Variants in IL1RAPL2 observed in about 807,000 individuals in gnomAD.
The protein encoded by IL1RAPL2 is X-linked interleukin-1 receptor accessory protein-like 2.
A neutral mutation model predicts 44.1 loss-of-function variants in IL1RAPL2; 3 were observed. The ratio of observed to expected loss-of-function variants is 0.07; its 90% CI spans 0.03 to 0.18. The LOEUF (loss-of-function observed/expected upper bound fraction) is 0.18. Ranked by LOEUF, IL1RAPL2 falls within the 10% of genes least tolerant of loss-of-function variation. IL1RAPL2 has a pLI of 1.00. For synonymous variants in IL1RAPL2, 181 were observed against 178.8 expected (o/e 1.01, Z -0.10); for missense variants, 391 against 496.4 (o/e 0.79, Z 2.02).
intron 1 of IL1RAPL2, among the ~76,000 whole-genome samples, chrX:104,600,269 C>T (rs898953008): frequency 4.5e-5 from 5 of 111,489 alleles, no homozygotes; most frequent in African/African-American, 1.6e-4. Flanking sequence ...GGCAAACTGC[C>T]ATTGAGAGTC....
intron 2 of IL1RAPL2, among the ~76,000 whole-genome samples, chrX:105,189,284 C>T (rs2033615265): frequency 8.9e-6 from 1 of 112,354 alleles, no homozygotes. Flanking sequence ...GTGGCACGAC[C>T]TCTGCTGGTG....
chrX:105,477,203 T>G (rs1193178706), intron 5 of IL1RAPL2, among the ~76,000 whole-genome samples: 4 of 111,768 alleles, frequency 3.6e-5, no homozygotes, highest in African/African-American at 6.5e-5. Flanking sequence ...TAACCAAGGC[T>G]GGTCCTGCTT....
intron 5 of IL1RAPL2, among the ~76,000 whole-genome samples, chrX:105,287,950 A>G (rs1569418760): frequency 9.0e-6 from 1 of 111,362 alleles, no homozygotes; most frequent in Non-Finnish European, 1.9e-5. Flanking sequence ...GGAAGGGAGT[A>G]CAGAAAATCA....
chrX:105,015,694 C>T (rs752880616), intron 2 of IL1RAPL2, among the ~76,000 whole-genome samples: 1 of 111,488 alleles, frequency 9.0e-6, no homozygotes, highest in African/African-American at 3.3e-5. Context: ...GGTACCAGTA[C>T]TATGCTATTT....
At chrX:105,092,268 T>C (rs991475730) in intron 2 of IL1RAPL2, among the ~76,000 whole-genome samples, 1 of 111,672 alleles carries the variant, frequency 9.0e-6, no homozygotes, top group Non-Finnish European at 1.9e-5. Context: ...ACCACTCTTA[T>C]GTAGGATAAA....
chrX:104,588,915 G>C (rs1017844176), intron 1 of IL1RAPL2, among the ~76,000 whole-genome samples: 2 of 111,846 alleles, frequency 1.8e-5, no homozygotes, highest in Non-Finnish European at 3.8e-5. Context: ...CCAAGACATG[G>C]TTTATATAAA....
chrX:104,637,774 G>A (rs1375510995), intron 1 of IL1RAPL2, among the ~76,000 whole-genome samples: 1 of 73,430 alleles, frequency 1.4e-5, no homozygotes, highest in Non-Finnish European at 2.5e-5. Context: ...TGTAGTTTTT[G>A]TGTATGTGTG....
intron 2 of IL1RAPL2, among the ~76,000 whole-genome samples, chrX:105,092,821 C>T (rs1411905243): frequency 9.0e-6 from 1 of 110,944 alleles, no homozygotes; most frequent in Non-Finnish European, 1.9e-5. Flanking sequence ...CCTAGTCAGC[C>T]TCCCTCTAGT....
intron 5 of IL1RAPL2, among the ~76,000 whole-genome samples, chrX:105,311,586 C>T (rs1347384788): frequency 3.7e-5 from 4 of 107,161 alleles, no homozygotes; most frequent in Non-Finnish European, 7.7e-5. Flanking sequence ...TCCCCCATCA[C>T]TCTTTGTGGA....
chrX:105,447,692 A>G (rs1316187166), intron 5 of IL1RAPL2, among the ~76,000 whole-genome samples: 19 of 83,686 alleles, frequency 2.3e-4, no homozygotes, highest in Non-Finnish European at 3.5e-4. Flanking sequence ...TTAAAAATAT[A>G]AATATATATA....
At chrX:105,514,399 G>A (rs1569449514) in intron 6 of IL1RAPL2, among the ~76,000 whole-genome samples, 1 of 112,081 alleles carries the variant, frequency 8.9e-6, no homozygotes, top group African/African-American at 3.2e-5. Context: ...ACATCCTTCT[G>A]TGTCTTAGTT....
At chrX:105,073,493 C>T (rs181429028) in intron 2 of IL1RAPL2, among the ~76,000 whole-genome samples, 16 of 110,165 alleles carry the variant, frequency 1.5e-4, no homozygotes, top group East Asian at 8.6e-4. Flanking sequence ...TGAACAGTGC[C>T]GCAATAAACA....
intron 2 of IL1RAPL2, among the ~76,000 whole-genome samples, chrX:104,688,138 C>A (rs949077614): frequency 9.0e-6 from 1 of 111,533 alleles, no homozygotes; most frequent in Admixed American, 9.6e-5. Context: ...AATTCCTGCT[C>A]GAGGCATATT....
At chrX:105,158,508 G>T (rs1462573276) in intron 2 of IL1RAPL2, among the ~76,000 whole-genome samples, 1 of 111,962 alleles carries the variant, frequency 8.9e-6, no homozygotes, top group Non-Finnish European at 1.9e-5. Context: ...CATTCATTTT[G>T]GTGCAGACAC....
At chrX:104,764,663 C>T (rs192570958) in intron 2 of IL1RAPL2, among the ~76,000 whole-genome samples, 416 of 111,936 alleles carry the variant, frequency 3.7e-3, no homozygotes, top group African/African-American at 0.013. Flanking sequence ...TCAGCTTTTT[C>T]TCATTCAGTA....
intron 6 of IL1RAPL2, among the ~76,000 whole-genome samples, chrX:105,639,485 TA>T (rs2037549071): frequency 9.0e-6 from 1 of 111,095 alleles, no homozygotes; most frequent in Non-Finnish European, 1.9e-5. Flanking sequence ...TCTAAAAGGG[TA>T]AGTAATAGAT....
At chrX:104,998,379 AC>A (rs2030786428) in intron 2 of IL1RAPL2, among the ~76,000 whole-genome samples, 1 of 111,022 alleles carries the variant, frequency 9.0e-6, no homozygotes, top group Non-Finnish European at 1.9e-5. Flanking sequence ...GAATGTGACA[AC>A]TTTTTCAAGA....
intron 2 of IL1RAPL2, among the ~76,000 whole-genome samples, chrX:104,969,568 AAGAT>A (rs796281501): frequency 1.7e-4 from 19 of 111,662 alleles, no homozygotes; most frequent in Middle Eastern, 4.2e-3. Context: ...AAAAGTAAAA[AAGAT>A]AATGAAAAAC....
At chrX:105,693,166 C>A (rs113779162) in intron 6 of IL1RAPL2, among the ~76,000 whole-genome samples, 2,381 of 111,665 alleles carry the variant, frequency 0.021, 60 homozygotes, top group African/African-American at 0.075. Context: ...TCCTAATCCC[C>A]AGAATTTGGG....
Sources: allele counts gnomAD v4.1 joint callset (sites outside exome capture counted in the v4.1 genomes callset), GRCh38; gene constraint gnomAD v4.1.1; transcripts MANE v1.5; gene names NCBI Gene and HGNC (gene_info 2026-07-23, HGNC 2026-07-21).